Variants in USP25 observed in about 807,000 individuals in gnomAD.
USP25 encodes the protein ubiquitin carboxyl-terminal hydrolase 25.
USP25 carries 85 observed loss-of-function variants against 158.5 expected under a neutral mutation model. That is an observed-to-expected ratio of 0.54 (90% CI 0.45 to 0.64). USP25 has a LOEUF of 0.64. Among genes scored for constraint, USP25 ranks in the 30% least tolerant of loss-of-function variants. USP25 has a pLI of 0.00. For synonymous variants in USP25, 464 were observed against 460.4 expected, an observed-to-expected ratio of 1.01 and a Z score of -0.10; for missense variants, 1,242 against 1,327.3, an observed-to-expected ratio of 0.94 and a Z score of 1.00.
rs528930389 is a variant in USP25 at position 15,742,390 on chromosome 21, A to G, written c.45+11952A>G. The stretch of plus-strand genomic sequence containing the variant: ...GCCAGGGCTTGTTATGGTAACACCA[A>G]TGTTGAAACCAACTGTGCATTCACA... On this transcript the variant is annotated intron_variant, in intron 1 of 25. Transcript: ENST00000400183. Among the ~76,000 whole-genome samples, 31 of 152,330 alleles carry G rather than the reference A, an allele frequency of 2.0e-4. 1 individual carries two copies. The Middle Eastern group carries it at 0.01, about 50-fold the overall frequency.
chr21:15,826,287 C>T lies in USP25; in HGVS notation c.1388C>T (p.Pro463Leu). ...GCATTGGAATTTGCCTCAAGTAAACCTGTTTGCACTTCTCCTGTTGACGAT... is the reference window on the plus strand; with the variant it reads ...GCATTGGAATTTGCCTCAAGTAAACTTGTTTGCACTTCTCCTGTTGACGAT... Reference protein sequence around the residue: ...QYALEFASSKPVCTSPVDDID... With the variant: ...QYALEFASSKLVCTSPVDDID... The change falls in exon 13 of 26, where the codon CCT (proline) becomes CTT (leucine). Residue 463 changes from proline (P) to leucine (L), a missense_variant. By Grantham distance (98) the Pro-to-Leu change is moderately conservative. Around this residue, in one of 3 missense-constraint regions of USP25, gnomAD observed 627 missense variants for 701.4 expected, o/e 0.89. Coordinates refer to ENST00000400183, the MANE Select transcript of USP25 (RefSeq NM_001283041.3). This position sits in a 1 kb window ranked among gnomAD's most constrained non-coding sequence, Gnocchi z 4.8. The T allele has an allele frequency of 6.2e-7, 1 of 1,614,096 alleles. No homozygotes were observed. Among genetic ancestry groups the T allele is most frequent in the Non-Finnish European group, 8.5e-7 (1 of 1,179,974 alleles).
Position 15,878,416 on chromosome 21 carries a change from T to G in USP25, c.3319T>G (p.Cys1107Gly). 1 of 1,614,084 alleles carries G rather than the reference T, an allele frequency of 6.2e-7. No individual in the cohort carries two copies. Among genetic ancestry groups the G allele is most frequent in the South Asian group, 1.1e-5 (1 of 91,066 alleles). ...ACCTTCATATTCCACGCATGAACTC[T>G]GTGAGCGATTTGCCCGAATCATGTT... ...KLPSYSTHELCERFARIMLSL... is the reference protein window; with the variant it reads ...KLPSYSTHELGERFARIMLSL... The change falls in exon 26 of 26, where the codon TGT (cysteine) becomes GGT (glycine). Residue 1107 changes from cysteine to glycine, a missense_variant. Cys to Gly is a radical substitution (Grantham distance 159). This residue lies in a region of USP25 where 608 missense variants were observed against 605.2 expected (regional missense o/e 1.00). Transcript: ENST00000400183.
chr21:15,770,200 T>G (rs879646118), intron 3 of USP25, among the ~76,000 whole-genome samples: 1 of 152,102 alleles, frequency 6.6e-6, no homozygotes, highest in Non-Finnish European at 1.5e-5. Context: ...CTTTTCCCAT[T>G]GCCCAAGTAA....
At position 15,875,135 on chromosome 21, in the gene USP25, G is replaced by A. The variant is rs533551042; in HGVS notation, c.3009+609G>A. Among the ~76,000 whole-genome samples, 1 of 152,154 alleles carries A rather than the reference G, an allele frequency of 6.6e-6. No individual in the cohort carries two copies. The highest frequency in any genetic ancestry group is 2.4e-5 in the African/African-American group (1 of 41,442). On this transcript the variant is annotated intron_variant, in intron 24 of 25. Coordinates refer to ENST00000400183, the MANE Select transcript of USP25 (RefSeq NM_001283041.3). The surrounding 1 kb of genome is among the most constrained non-coding windows in gnomAD (Gnocchi z 4.7). Reference sequence around the variant, plus strand: ...TGCCTTGAGCCAAGATCGCGCCACTGCATTCCATCCTGGCAACCAGGTGAC... The same window carrying A: ...TGCCTTGAGCCAAGATCGCGCCACTACATTCCATCCTGGCAACCAGGTGAC...
chr21:15,769,137 G>C (rs1217186304), intron 3 of USP25, among the ~76,000 whole-genome samples: 4 of 151,906 alleles, frequency 2.6e-5, no homozygotes, highest in South Asian at 2.1e-4. Flanking sequence ...ATGCATACCT[G>C]GTGTGTCAGA....
intron 20 of USP25, among the ~76,000 whole-genome samples, chr21:15,859,969 GTATATA>G (rs1407045662): frequency 1.2e-3 from 163 of 138,480 alleles, no homozygotes; most frequent in African/African-American, 4.0e-3. Context: ...ATATATATAT[GTATATA>G]TATATATATA....
chr21:15,792,794 C>G (rs1263884829), intron 5 of USP25, among the ~76,000 whole-genome samples: 3 of 151,564 alleles, frequency 2.0e-5, no homozygotes, highest in Admixed American at 6.6e-5. Context: ...ATTTACCTCA[C>G]TTTTTAATAT....
intron 4 of USP25, among the ~76,000 whole-genome samples, chr21:15,785,641 A>AAAACCAGTGGGACACAGTG (rs2035229537): frequency 1.3e-5 from 2 of 152,152 alleles, no homozygotes; most frequent in South Asian, 4.1e-4. Flanking sequence ...AACACATACA[A>AAAACCAGTGGGACACAGTG]AAACCTGTGG....
chr21:15,778,659 T>C (rs538323407), intron 4 of USP25, among the ~76,000 whole-genome samples: 1 of 152,268 alleles, frequency 6.6e-6, no homozygotes, highest in African/African-American at 2.4e-5. Flanking sequence ...AACCAAAACT[T>C]TGTAGTTTGA....
chr21:15,773,763 C>T (rs1033160780), intron 3 of USP25, among the ~76,000 whole-genome samples: 7 of 152,096 alleles, frequency 4.6e-5, no homozygotes, highest in Admixed American at 1.3e-4. Flanking sequence ...GAAATTAAAA[C>T]GGAGAAAAGC....
intron 4 of USP25, among the ~76,000 whole-genome samples, chr21:15,786,244 T>G (rs1201547212): frequency 1.3e-5 from 2 of 152,166 alleles, no homozygotes; most frequent in African/African-American, 4.8e-5. Flanking sequence ...TCTCAAACTA[T>G]TCCAGAAAAT....
At chr21:15,783,256 T>C (rs753890422) in intron 4 of USP25, among the ~76,000 whole-genome samples, 1 of 151,656 alleles carries the variant, frequency 6.6e-6, no homozygotes, top group Non-Finnish European at 1.5e-5. Flanking sequence ...ATAGGACTTA[T>C]CAGACACCAT....
intron 8 of USP25, among the ~76,000 whole-genome samples, chr21:15,809,279 C>T (rs956654134): frequency 2.0e-5 from 3 of 152,066 alleles, no homozygotes; most frequent in Non-Finnish European, 4.4e-5. Flanking sequence ...CTCAGGGCCC[C>T]GAGGTCACCT....
intron 14 of USP25, among the ~76,000 whole-genome samples, chr21:15,830,145 T>G (rs1396681042): frequency 6.6e-6 from 1 of 152,174 alleles, no homozygotes; most frequent in Non-Finnish European, 1.5e-5. Flanking sequence ...TTTATTCAGT[T>G]ATGTGTGTGT....
At chr21:15,813,124 A>G (rs1260743144) in intron 9 of USP25, among the ~76,000 whole-genome samples, 1 of 152,042 alleles carries the variant, frequency 6.6e-6, no homozygotes, top group African/African-American at 2.4e-5. Flanking sequence ...AAGTCACAGA[A>G]ATGGGCTAAC....
Position 15,879,793 on chromosome 21 carries a change from G to A in USP25, c.*1318G>A, listed in dbSNP as rs1174452746. The A allele has an allele frequency of 6.6e-6, 1 of 152,576 alleles. No individual in the cohort carries two copies. Among genetic ancestry groups the A allele is most frequent in the Non-Finnish European group, 1.5e-5 (1 of 67,998 alleles). The allele number at this position is 152,576 out of a possible 1,614,324, so 9.5% of individuals were successfully genotyped here. On this transcript the variant is annotated 3_prime_UTR_variant, in exon 26 of 26. Transcript: ENST00000400183. ...CAAAAGATCCTGGATGGAGGAGTAAGATGAAATATTATGCTATTATATGAT... is the reference window on the plus strand; with the variant it reads ...CAAAAGATCCTGGATGGAGGAGTAAAATGAAATATTATGCTATTATATGAT...
At position 15,766,253 on chromosome 21, in the gene USP25, A is replaced by G. The variant is rs1012273617; in HGVS notation, c.268+112A>G. ...AGGTAAAGAACCAAAAAAGAACTCTATTAACCTTGGTTCTTTTTAATGTAG... is the reference window on the plus strand; with the variant it reads ...AGGTAAAGAACCAAAAAAGAACTCTGTTAACCTTGGTTCTTTTTAATGTAG... On this transcript the variant is annotated intron_variant, in intron 3 of 25. Transcript: ENST00000400183. This position sits in a 1 kb window ranked among gnomAD's most constrained non-coding sequence, Gnocchi z 4.0. 11 of 967,038 alleles carry G rather than the reference A, an allele frequency of 1.1e-5. No individual in the cohort carries two copies. The highest frequency in any genetic ancestry group is 3.6e-5 in the Admixed American group (1 of 28,152). 59.9% of individuals were successfully genotyped at this position (967,038 alleles called of 1,614,324 possible). A position where few individuals can be genotyped will look rare whatever the true frequency, so the allele number is the denominator to read the frequency against.
intron 10 of USP25, among the ~76,000 whole-genome samples, chr21:15,823,709 G>A (rs1049342715): frequency 2.0e-5 from 3 of 152,114 alleles, no homozygotes; most frequent in East Asian, 1.9e-4. Flanking sequence ...GAAGAAGACA[G>A]AGAAGACTTG....
At position 15,805,189 on chromosome 21, in the gene USP25, G is replaced by C; in HGVS notation, c.711G>C (p.Arg237Ser). ...YLFALLVGTK[R>S]KYVDPSRAVE... is the part of the protein sequence containing the mutation. ...TTGCACTTCTTGTTGGTACCAAAAG[G>C]AAGTATGTTGATCCATCAAGAGCAG... The change falls in exon 7 of 26, where the codon AGG becomes AGC. Residue 237 changes from arginine to serine, a missense_variant. Transcript: ENST00000400183. 6.2e-7 allele frequency: 1 copy of C among 1,610,044 alleles called. No individual in the cohort carries two copies. The highest frequency in any genetic ancestry group is 8.5e-7 in the Non-Finnish European group (1 of 1,178,420).
Sources: allele counts gnomAD v4.1 joint callset (sites outside exome capture counted in the v4.1 genomes callset), GRCh38; gene constraint gnomAD v4.1.1; regional missense constraint gnomAD v4.1.1; non-coding constraint Gnocchi (gnomAD v3.1); transcripts MANE v1.5; gene names NCBI Gene and HGNC (gene_info 2026-07-23, HGNC 2026-07-21).